DOCK1: variants seen among roughly 807,000 people sequenced by gnomAD.
DOCK1 encodes the protein dedicator of cytokinesis 1.
A neutral mutation model predicts 262.7 loss-of-function variants in DOCK1; 138 were observed. The ratio of observed to expected loss-of-function variants is 0.53; its 90% CI spans 0.46 to 0.61. The LOEUF is 0.61. Among genes scored for constraint, DOCK1 ranks in the 20% least tolerant of loss-of-function variants. DOCK1 has a pLI of 0.00. For missense variants in DOCK1, 1,908 were observed against 2,370.7 expected (o/e 0.80, Z 4.05); for synonymous variants, 866 against 867.4 (o/e 1.00, Z 0.03).
At chr10:127,199,691 C>T (rs1307293038) in intron 27 of DOCK1, among the ~76,000 whole-genome samples, 6 of 152,166 alleles carry the variant, frequency 3.9e-5, no homozygotes, top group Non-Finnish European at 5.9e-5. Flanking sequence ...GAGGCATACT[C>T]GTTGCCCGGG....
intron 6 of DOCK1, among the ~76,000 whole-genome samples, chr10:126,996,378 CAAAAAAAAAAAA>C (rs55841173): frequency 1.0e-5 from 1 of 95,576 alleles, no homozygotes; most frequent in Non-Finnish European, 2.1e-5. Flanking sequence ...GAGACTGTCT[CAAAAAAAAAAAA>C]AAAAAAAAAA....
chr10:127,402,284 G>A (rs2067267918), intron 38 of DOCK1, among the ~76,000 whole-genome samples: 1 of 152,146 alleles, frequency 6.6e-6, no homozygotes, highest in Non-Finnish European at 1.5e-5. Context: ...AGAGTGGGCG[G>A]CAGCTAGGAA....
At chr10:127,035,877 C>G (rs2043561265) in intron 18 of DOCK1, among the ~76,000 whole-genome samples, 1 of 151,902 alleles carries the variant, frequency 6.6e-6, no homozygotes, top group Admixed American at 6.6e-5. Context: ...TGGCGTGCAC[C>G]TGTAGCCCCA....
At chr10:127,339,695 TTGTGTGTGTGTGTG>T (rs112206811) in intron 30 of DOCK1, among the ~76,000 whole-genome samples, 4,447 of 109,880 alleles carry the variant, frequency 0.04, 109 homozygotes, top group Non-Finnish European at 0.053. Flanking sequence ...CTGGCCTGAT[TTGTGTGTGTGTGTG>T]TGTGTGTGTG....
At chr10:127,344,706 A>G (rs531362580) in intron 31 of DOCK1, 2 of 152,288 alleles carry the variant, frequency 1.3e-5, no homozygotes, top group South Asian at 4.1e-4. Context: ...AATTATAGTC[A>G]TAAGCTGGGC....
At chr10:127,276,498 C>T (rs1460210359) in intron 29 of DOCK1, among the ~76,000 whole-genome samples, 1 of 152,172 alleles carries the variant, frequency 6.6e-6, no homozygotes, top group Non-Finnish European at 1.5e-5. Flanking sequence ...ACAAGGGCTC[C>T]TGTTCCTTCT....
chr10:126,942,023 G>A (rs2035048185), intron 1 of DOCK1, among the ~76,000 whole-genome samples: 4 of 151,852 alleles, frequency 2.6e-5, no homozygotes, highest in Non-Finnish European at 4.4e-5. Context: ...TCTGATATTT[G>A]CTCTTTTTCT....
chr10:126,996,535 ATTTTTTTTTT>A (rs10538924), intron 6 of DOCK1, among the ~76,000 whole-genome samples: 2 of 136,208 alleles, frequency 1.5e-5, no homozygotes, highest in African/African-American at 2.7e-5. Flanking sequence ...AAAATTGAGG[ATTTTTTTTTT>A]TTTTTTTTTT....
intron 49 of DOCK1, among the ~76,000 whole-genome samples, chr10:127,443,539 C>T (rs1565096544): frequency 6.6e-6 from 1 of 152,092 alleles, no homozygotes; most frequent in Admixed American, 6.6e-5. Context: ...CTAGTTCCTG[C>T]CCAGGTTTGT....
intron 23 of DOCK1, among the ~76,000 whole-genome samples, chr10:127,093,972 C>G (rs974414798): frequency 6.6e-6 from 1 of 152,050 alleles, no homozygotes; most frequent in Non-Finnish European, 1.5e-5. Context: ...TGAGAGGGTG[C>G]CAAACTCTCC....
intron 23 of DOCK1, among the ~76,000 whole-genome samples, 176 bp downstream of exon 23, chr10:127,061,952 T>C (rs1395637588): frequency 1.5e-5 from 2 of 131,010 alleles, no homozygotes; most frequent in African/African-American, 2.7e-5. Context: ...TTTTTTTTTT[T>C]TTGAGACAGA....
chr10:127,273,021 A>C (rs1032244106), intron 29 of DOCK1, among the ~76,000 whole-genome samples: 1 of 152,188 alleles, frequency 6.6e-6, no homozygotes, highest in Non-Finnish European at 1.5e-5. Flanking sequence ...ACACGTGGGA[A>C]TTCAAGATGA....
chr10:127,187,888 T>C (rs2056427828), intron 27 of DOCK1, among the ~76,000 whole-genome samples: 1 of 152,172 alleles, frequency 6.6e-6, no homozygotes, highest in South Asian at 2.1e-4. Context: ...TTGTTTTAAA[T>C]GCCTAATATA....
chr10:127,345,213 T>A (rs1010723620), intron 31 of DOCK1, among the ~76,000 whole-genome samples: 2 of 152,242 alleles, frequency 1.3e-5, no homozygotes, highest in Non-Finnish European at 2.9e-5. Flanking sequence ...TGAGTATATT[T>A]CAGCAAATCA....
In DOCK1 at chr10:127,234,051, A is replaced by G. The variant is rs574113303; in HGVS notation, c.2848-13957A>G. 3.3e-5 allele frequency among the ~76,000 whole-genome samples: 5 copies of G among 152,342 alleles called. No individual in the cohort carries two copies. In the South Asian group the frequency reaches 1.0e-3, roughly 32 times the overall value. ...TAGGAATACTTCCTTGACATGATAC[A>G]TACAGTATATTAAACCAACATTCAA... On this transcript the variant is annotated intron_variant, in intron 27 of 51. Transcript: ENST00000623213.
chr10:127,131,933 GT>G (rs1432514577), intron 27 of DOCK1, among the ~76,000 whole-genome samples: 6 of 152,128 alleles, frequency 3.9e-5, no homozygotes, highest in Non-Finnish European at 7.3e-5. Flanking sequence ...CTGAAAATGA[GT>G]TTTTAAAAAT....
intron 1 of DOCK1, among the ~76,000 whole-genome samples, chr10:126,928,707 T>C (rs1215287999): frequency 6.6e-6 from 1 of 152,240 alleles, no homozygotes; most frequent in East Asian, 1.9e-4. Flanking sequence ...GCATGAGAAC[T>C]CAGCCATGTG....
At chr10:127,129,047 G>A (rs1360817821) in intron 27 of DOCK1, among the ~76,000 whole-genome samples, 1 of 152,152 alleles carries the variant, frequency 6.6e-6, no homozygotes, top group African/African-American at 2.4e-5. Flanking sequence ...GGTGTGAACA[G>A]GGAGGTGATG....
At chr10:127,386,265 G>A (rs1304660604) in intron 38 of DOCK1, among the ~76,000 whole-genome samples, 1 of 152,108 alleles carries the variant, frequency 6.6e-6, no homozygotes, top group Non-Finnish European at 1.5e-5. Context: ...AAGGCTGGTT[G>A]GAAATAAGGA....
Sources: allele counts gnomAD v4.1 joint callset (sites outside exome capture counted in the v4.1 genomes callset), GRCh38; gene constraint gnomAD v4.1.1; transcripts MANE v1.5; gene names NCBI Gene and HGNC (gene_info 2026-07-23, HGNC 2026-07-21).